Variants in SPEF2 observed in about 807,000 individuals in gnomAD.
SPEF2 encodes the protein sperm flagella and cilia-associated protein 2.
A neutral mutation model predicts 224.6 loss-of-function variants in SPEF2; 187 were observed. That is an observed-to-expected ratio of 0.83 (90% confidence interval 0.74 to 0.94). The LOEUF (loss-of-function observed/expected upper bound fraction) is 0.94, where lower values mean the gene tolerates loss of function less well. SPEF2 is among the 40% of genes least tolerant of loss of function. The pLI is 0.00. For missense variants in SPEF2, 2,170 were observed against 2,135.6 expected (o/e 1.02, Z -0.32); for synonymous variants, 715 against 707.3 (o/e 1.01, Z -0.17).
chr5:35,641,773 C>T (rs1275809645), intron 3 of SPEF2, 90 bp downstream of exon 3: 1 of 1,361,080 alleles, frequency 7.3e-7, no homozygotes, highest in Non-Finnish European at 1.0e-6. Context: ...AAAGAAGCCT[C>T]ATTAGGCATA....
chr5:35,733,815 G>T (rs1019352841), intron 21 of SPEF2, among the ~76,000 whole-genome samples: 10 of 151,998 alleles, frequency 6.6e-5, no homozygotes, highest in Non-Finnish European at 1.0e-4. Context: ...GATTGTGACT[G>T]GTCTATGTTC....
chr5:35,764,623 A>T (rs1751842343), intron 26 of SPEF2: 1 of 456,126 alleles, frequency 2.2e-6, no homozygotes, highest in Non-Finnish European at 4.4e-6. Context: ...GCATTCAAAC[A>T]GAAAGCAGCA....
At position 35,648,968 on chromosome 5, in the gene SPEF2, C is replaced by T. The variant is rs769251938; in HGVS notation, c.727-393C>T. On this transcript the variant is annotated intron_variant, in intron 5 of 36. Coordinates refer to ENST00000356031, the MANE Select transcript of SPEF2 (RefSeq NM_024867.4). ...GGTGGAGGATGCCTTGAGCCGAGAT[C>T]GCGCCACTGCATTCCAGCCTGGGCG... Among the ~76,000 whole-genome samples, 43 of 150,214 alleles carry T rather than the reference C, an allele frequency of 2.9e-4. 1 individual carries two copies. Among genetic ancestry groups the T allele is most frequent in the Non-Finnish European group, 6.1e-4 (41 of 67,716 alleles).
intron 28 of SPEF2, among the ~76,000 whole-genome samples, chr5:35,774,231 C>T (rs1561343538): frequency 6.6e-6 from 1 of 152,090 alleles, no homozygotes; most frequent in African/African-American, 2.4e-5. Flanking sequence ...TTTGGCATCA[C>T]CTAATCAGTC....
At chr5:35,690,566 G>T (rs1754299146) in intron 10 of SPEF2, among the ~76,000 whole-genome samples, 1 of 151,962 alleles carries the variant, frequency 6.6e-6, no homozygotes, top group African/African-American at 2.4e-5. Flanking sequence ...CCCTCCATCT[G>T]ATCATTTGAT....
chr5:35,703,148 C>G (rs201284214), intron 16 of SPEF2, among the ~76,000 whole-genome samples: 51 of 126,882 alleles, frequency 4.0e-4, no homozygotes, highest in Non-Finnish European at 4.8e-4. Flanking sequence ...AAGGGTCTCT[C>G]TATATATATA....
At chr5:35,732,605 T>C (rs1486544217) in intron 21 of SPEF2, among the ~76,000 whole-genome samples, 1 of 152,204 alleles carries the variant, frequency 6.6e-6, no homozygotes. Flanking sequence ...AAAAATTTAA[T>C]ATGATGATAA....
At chr5:35,669,983 A>G in intron 9 of SPEF2, 76 bp from the exon 10 acceptor site, 1 of 1,165,436 alleles carries the variant, frequency 8.6e-7, no homozygotes. Flanking sequence ...TTACATAAAT[A>G]TAATAAAAAT....
chr5:35,768,603 T>C (rs1752394317), intron 26 of SPEF2, among the ~76,000 whole-genome samples: 1 of 152,118 alleles, frequency 6.6e-6, no homozygotes, highest in African/African-American at 2.4e-5. Context: ...TTTTAGAAAC[T>C]ATATATTTTA....
chr5:35,631,249 C>T (rs531381887), intron 2 of SPEF2, among the ~76,000 whole-genome samples: 3 of 152,160 alleles, frequency 2.0e-5, no homozygotes, highest in South Asian at 4.2e-4. Context: ...TTCACTATCA[C>T]GAGAACAGCA....
chr5:35,776,199 A>G (rs753864467), intron 28 of SPEF2, 58 bp from the exon 29 acceptor site: 7 of 1,530,538 alleles, frequency 4.6e-6, no homozygotes, highest in Non-Finnish European at 5.3e-6. Context: ...GAATCTGTTC[A>G]TTAGTAAATG....
intron 8 of SPEF2, among the ~76,000 whole-genome samples, chr5:35,663,471 T>C (rs1220604425): frequency 6.6e-6 from 1 of 152,202 alleles, no homozygotes; most frequent in Non-Finnish European, 1.5e-5. Context: ...ATTTATCAAA[T>C]TGTATAAGCC....
intron 31 of SPEF2, 56 bp from the exon 32 acceptor site, chr5:35,793,103 G>C: frequency 6.8e-7 from 1 of 1,479,580 alleles, no homozygotes. Flanking sequence ...TGAGCAAGTA[G>C]AGCATCAAGA....
intron 18 of SPEF2, among the ~76,000 whole-genome samples, chr5:35,707,407 A>G (rs1739999443): frequency 1.3e-5 from 2 of 152,176 alleles, no homozygotes; most frequent in Non-Finnish European, 2.9e-5. Context: ...TTAAAGCAAT[A>G]ATTATGAATA....
At chr5:35,798,443 G>A (rs1756981855) in intron 33 of SPEF2, among the ~76,000 whole-genome samples, 1 of 152,030 alleles carries the variant, frequency 6.6e-6, no homozygotes, top group African/African-American at 2.4e-5. Context: ...CTCTTCCCCT[G>A]GATGTCTTCC....
intron 10 of SPEF2, among the ~76,000 whole-genome samples, chr5:35,674,968 A>G (rs10044166): frequency 0.11 from 16,981 of 152,026 alleles, 1,686 homozygotes; most frequent in African/African-American, 0.26. Context: ...TTGTCTTTTG[A>G]CTATGAAGAT....
chr5:35,797,640 T>C (rs920895836), intron 33 of SPEF2, among the ~76,000 whole-genome samples: 3 of 152,092 alleles, frequency 2.0e-5, no homozygotes, highest in Non-Finnish European at 1.5e-5. Flanking sequence ...GTCCTATGTG[T>C]CAGTCAACAA....
chr5:35,733,738 T>C (rs1407886043), intron 21 of SPEF2, among the ~76,000 whole-genome samples: 1 of 152,090 alleles, frequency 6.6e-6, no homozygotes, highest in Non-Finnish European at 1.5e-5. Context: ...AGTAACATGT[T>C]GGAATAATTT....
rs537044658 is a variant in SPEF2 at position 35,719,382 on chromosome 5, A to G, written c.2914+6496A>G. ...CAGGACTGAATGGTTTGCAAAATAGATTTTAGTCTTATACTTGGCCTGATT... is the reference window on the plus strand; with the variant it reads ...CAGGACTGAATGGTTTGCAAAATAGGTTTTAGTCTTATACTTGGCCTGATT... On this transcript the variant is annotated intron_variant, in intron 20 of 36. Transcript: ENST00000356031. Among the ~76,000 whole-genome samples, 6 of 152,278 alleles carry G rather than the reference A, an allele frequency of 3.9e-5. No homozygotes were observed. The South Asian group carries it at 1.2e-3, about 32-fold the overall frequency.
Sources: allele counts gnomAD v4.1 joint callset (sites outside exome capture counted in the v4.1 genomes callset), GRCh38; gene constraint gnomAD v4.1.1; transcripts MANE v1.5; gene names NCBI Gene and HGNC (gene_info 2026-07-23, HGNC 2026-07-21).